Variants in TTC28 observed in about 807,000 individuals in gnomAD.
TTC28 encodes tetratricopeptide repeat domain 28.
TTC28 carries 61 observed loss-of-function variants against 198.0 expected under a neutral mutation model. That is an observed-to-expected ratio of 0.31 (90% CI 0.25 to 0.38). The LOEUF (loss-of-function observed/expected upper bound fraction) is 0.38, where lower values mean the gene tolerates loss of function less well. Ranked by LOEUF, TTC28 falls within the 10% of genes least tolerant of loss-of-function variation. The pLI is 1.00. For missense variants in TTC28, 2,678 were observed against 3,164.0 expected (o/e 0.85, Z 3.69); for synonymous variants, 1,171 against 1,297.8 (o/e 0.90, Z 2.10).
chr22:28,515,066 G>C (rs1459484673), intron 2 of TTC28, among the ~76,000 whole-genome samples: 3 of 152,184 alleles, frequency 2.0e-5, no homozygotes, highest in Non-Finnish European at 2.9e-5. Flanking sequence ...TTATAGAAGA[G>C]ATTACAGAGT....
chr22:28,496,314 G>A (rs1414733652), intron 2 of TTC28, among the ~76,000 whole-genome samples: 2 of 151,916 alleles, frequency 1.3e-5, no homozygotes, highest in Non-Finnish European at 2.9e-5. Context: ...CTCCCCTTAG[G>A]TGTCTAATAA....
intron 2 of TTC28, among the ~76,000 whole-genome samples, chr22:28,558,357 T>C (rs1016037221): frequency 2.6e-5 from 4 of 152,278 alleles, no homozygotes; most frequent in Non-Finnish European, 5.9e-5. Flanking sequence ...CTCACTGATG[T>C]GGATAAAGTG....
intron 12 of TTC28, among the ~76,000 whole-genome samples, chr22:28,048,258 A>C (rs1453195019): frequency 6.6e-6 from 1 of 152,128 alleles, no homozygotes; most frequent in African/African-American, 2.4e-5. Context: ...AAGAGATCCC[A>C]CCAAGTGTCA....
intron 1 of TTC28, among the ~76,000 whole-genome samples, chr22:28,655,236 A>C (rs1427408868): frequency 6.6e-6 from 1 of 152,222 alleles, no homozygotes; most frequent in Non-Finnish European, 1.5e-5. Context: ...TATAGATTAC[A>C]GACTATCTTG....
chr22:28,392,197 G>A (rs141244704), intron 2 of TTC28, among the ~76,000 whole-genome samples: 4,865 of 152,306 alleles, frequency 0.032, 114 homozygotes, highest in Middle Eastern at 0.061. Context: ...CAGTCTGCCC[G>A]TTCTCAGATC....
At chr22:28,407,899 G>A (rs574995989) in intron 2 of TTC28, among the ~76,000 whole-genome samples, 7 of 152,312 alleles carry the variant, frequency 4.6e-5, no homozygotes, top group Admixed American at 3.9e-4. Context: ...TAAATCGAAT[G>A]TCATATAGTC....
chr22:28,444,281 C>T (rs1299538622), intron 2 of TTC28, among the ~76,000 whole-genome samples: 1 of 152,120 alleles, frequency 6.6e-6, no homozygotes, highest in Non-Finnish European at 1.5e-5. Flanking sequence ...AACTGATGTA[C>T]CAATGTTCCA....
At chr22:28,394,618 C>T (rs990399105) in intron 2 of TTC28, among the ~76,000 whole-genome samples, 1 of 152,152 alleles carries the variant, frequency 6.6e-6, no homozygotes, top group African/African-American at 2.4e-5. Flanking sequence ...CCCCAATAAG[C>T]AAGGTGACCT....
intron 1 of TTC28, among the ~76,000 whole-genome samples, chr22:28,671,572 T>C (rs1200097757): frequency 6.7e-6 from 1 of 149,674 alleles, no homozygotes; most frequent in African/African-American, 2.5e-5. Context: ...TAGGCAGAGC[T>C]TGCAATGAGC....
intron 1 of TTC28, among the ~76,000 whole-genome samples, chr22:28,660,954 T>C (rs549038213): frequency 2.3e-4 from 35 of 152,150 alleles, no homozygotes; most frequent in African/African-American, 7.7e-4. Context: ...CAAAGTTGCA[T>C]AGGAAATTAG....
chr22:28,514,249 C>T (rs774225826), intron 2 of TTC28, among the ~76,000 whole-genome samples: 1 of 152,130 alleles, frequency 6.6e-6, no homozygotes, highest in Non-Finnish European at 1.5e-5. Flanking sequence ...ATAATTAAAA[C>T]ACAACAATTA....
At chr22:27,999,633 C>T (rs1195979340) in intron 15 of TTC28, 2 of 209,864 alleles carry the variant, frequency 9.5e-6, no homozygotes, top group East Asian at 2.4e-4. Flanking sequence ...AAGAGGAAAC[C>T]CACTCCTGAT....
Position 28,260,864 on chromosome 22 carries a change from T to C in TTC28, c.933+35334A>G, listed in dbSNP as rs565931835. On this transcript the variant is annotated intron_variant, in intron 5 of 22. Transcript: ENST00000397906. Reference sequence around the variant, plus strand: ...TCCTTTCATGTAACACTGGTTGTAATTCCAGAATAAAATAGCACAGTAAGA... The same window carrying C: ...TCCTTTCATGTAACACTGGTTGTAACTCCAGAATAAAATAGCACAGTAAGA... 3.9e-5 allele frequency among the ~76,000 whole-genome samples: 6 copies of C among 152,256 alleles called. No individual in the cohort carries two copies. The East Asian group carries it at 1.2e-3, about 29-fold the overall frequency.
At chr22:28,139,069 T>C (rs1943267569) in intron 6 of TTC28, among the ~76,000 whole-genome samples, 2 of 151,414 alleles carry the variant, frequency 1.3e-5, no homozygotes, top group South Asian at 4.2e-4. Flanking sequence ...TGGGGAGAGA[T>C]GGGGTGGAGT....
intron 2 of TTC28, among the ~76,000 whole-genome samples, chr22:28,481,770 T>C (rs1381019685): frequency 6.6e-6 from 1 of 152,208 alleles, no homozygotes; most frequent in Non-Finnish European, 1.5e-5. Context: ...AGAAAGATCA[T>C]GTCACTCAAC....
Position 28,629,605 on chromosome 22 carries a change from T to G in TTC28, c.328A>C (p.Lys110Gln), listed in dbSNP as rs2051137825. 6.4e-7 allele frequency: 1 copy of G among 1,551,740 alleles called. No individual in the cohort carries two copies. The highest frequency in any genetic ancestry group is 8.7e-7 in the Non-Finnish European group (1 of 1,146,998). The change falls in exon 2 of 23, where the codon AAG (lysine) becomes CAG (glutamine). Residue 110 changes from lysine to glutamine, a missense_variant. Transcript: ENST00000397906. ...GCTTTGATTGCATCATCCAGTGCCT[T>G]GTCATACTGCTGGATTTTCATGTAG... The part of the protein sequence containing the change: ...AAYMKIQQYD[K>Q]ALDDAIKARL...
chr22:28,390,794 T>A (rs1276316060), intron 2 of TTC28, among the ~76,000 whole-genome samples: 1 of 152,212 alleles, frequency 6.6e-6, no homozygotes, highest in Non-Finnish European at 1.5e-5. Context: ...TGACTCTTTA[T>A]CCAATTTGCC....
chr22:28,520,321 G>GTACAA (rs1233275689), intron 2 of TTC28, among the ~76,000 whole-genome samples: 1 of 152,202 alleles, frequency 6.6e-6, no homozygotes, highest in Non-Finnish European at 1.5e-5. Flanking sequence ...AATGTCTCAT[G>GTACAA]TACACATCTT....
rs1937034982 is a variant in TTC28, at chr22:27,981,933, G to T, written c.*288C>A. 2.9e-6 allele frequency: 1 copy of T among 344,516 alleles called. No individual in the cohort carries two copies. Among genetic ancestry groups the T allele is most frequent in the South Asian group, 1.2e-4 (1 of 8,216 alleles). The allele number at this position is 344,516 out of a possible 1,614,324, so 21.3% of individuals were successfully genotyped here. A position where few individuals can be genotyped will look rare whatever the true frequency, so the allele number is the denominator to read the frequency against. ...AATCCTGGTGAAGAATCATATCAAA[G>T]ATGAGAAGCAGGGAGTTCAAAGGTA... On this transcript the variant is annotated 3_prime_UTR_variant, in exon 23 of 23. Coordinates refer to ENST00000397906, the MANE Select transcript of TTC28 (RefSeq NM_001145418.2).
Sources: allele counts gnomAD v4.1 joint callset (sites outside exome capture counted in the v4.1 genomes callset), GRCh38; gene constraint gnomAD v4.1.1; transcripts MANE v1.5; gene names NCBI Gene and HGNC (gene_info 2026-07-23, HGNC 2026-07-21).